The following DROSHA variants were observed in gnomAD, a reference collection of about 807,000 sequenced individuals.
The protein encoded by DROSHA is drosha ribonuclease III.
DROSHA carries 56 observed loss-of-function variants against 181.9 expected under a neutral mutation model. The ratio of observed to expected loss-of-function variants is 0.31; its 90% confidence interval spans 0.25 to 0.38. DROSHA has a LOEUF of 0.38. Among genes scored for constraint, DROSHA ranks in the 10% least tolerant of loss-of-function variants. The pLI is 1.00. For synonymous variants in DROSHA, 524 were observed against 591.2 expected, an observed-to-expected ratio of 0.89 and a Z score of 1.65; for missense variants, 1,218 against 1,743.5, an observed-to-expected ratio of 0.70 and a Z score of 5.37.
At chr5:31,511,309 T>C in intron 8 of DROSHA, 133 bp from the exon 9 acceptor site, 1 of 874,498 alleles carries the variant, frequency 1.1e-6, no homozygotes, top group Non-Finnish European at 1.7e-6. Context: ...TTAACAAACA[T>C]TTAAAAACAA....
chr5:31,411,377 G>A lies in DROSHA; in HGVS notation c.3526-490C>T, dbSNP rs548070700. 4.7e-4 allele frequency among the ~76,000 whole-genome samples: 72 copies of A among 152,212 alleles called. No individual in the cohort carries two copies. Among genetic ancestry groups the A allele is most frequent in the Admixed American group, 1.0e-3 (16 of 15,288 alleles). On this transcript the variant is annotated intron_variant, in intron 30 of 35. Transcript: ENST00000344624. This position sits in a 1 kb window ranked among gnomAD's most constrained non-coding sequence, Gnocchi z 4.2. ...AACAAATTCCCAGCATCTCCATGCA[G>A]TGAATCCTTCCCAACCCCTGACCAG...
intron 19 of DROSHA, among the ~76,000 whole-genome samples, chr5:31,465,633 A>G (rs1174061880): frequency 1.3e-5 from 2 of 152,128 alleles, no homozygotes; most frequent in African/African-American, 2.4e-5. Context: ...TATGATACCC[A>G]ATGTGAGAGA....
At chr5:31,447,894 A>G (rs549656150) in intron 23 of DROSHA, among the ~76,000 whole-genome samples, 1 of 152,330 alleles carries the variant, frequency 6.6e-6, no homozygotes, top group South Asian at 2.1e-4. Context: ...GATCCCTGCT[A>G]TATTGCTGCT....
chr5:31,465,230 CCT>C (rs1319513990), intron 19 of DROSHA, among the ~76,000 whole-genome samples: 8 of 152,224 alleles, frequency 5.3e-5, no homozygotes, highest in African/African-American at 1.7e-4. Context: ...ATAAAACCTC[CCT>C]GAGACAATAA....
rs190980670 is a variant in DROSHA at position 31,462,902 on chromosome 5, C to T, written c.2574+1334G>A. Among the ~76,000 whole-genome samples, 693 of 152,182 alleles carry T rather than the reference C, an allele frequency of 4.6e-3. 2 individuals are homozygous for T. Among genetic ancestry groups the T allele is most frequent in the Non-Finnish European group, 8.0e-3 (545 of 67,994 alleles). On this transcript the variant is annotated intron_variant, in intron 20 of 35. Coordinates refer to ENST00000344624, the MANE Select transcript of DROSHA (RefSeq NM_001382508.1). ...ACTACTAACTAGAAGGTCTGGAAGG[C>T]GCCTTCTAGTTCTTAATGCTCAACA... is the stretch of plus-strand genomic sequence containing the variant.
Position 31,429,537 on chromosome 5 carries a change from A to G in DROSHA, c.3154T>C (p.Tyr1052His). 1 of 1,611,782 alleles carries G rather than the reference A, an allele frequency of 6.2e-7. No homozygotes were observed. The highest frequency in any genetic ancestry group is 8.5e-7 in the Non-Finnish European group (1 of 1,178,626). Residue 1052 changes from tyrosine (Y) to histidine (H), a missense_variant, in exon 27 of 36, where the codon TAC (tyrosine) becomes CAC (histidine). Physicochemically the swap from Tyr to His is moderately conservative, Grantham distance 83. Around this residue, in one of 8 missense-constraint regions of DROSHA, gnomAD observed 71 missense variants for 95.2 expected, o/e 0.75. Coordinates refer to ENST00000344624, the MANE Select transcript of DROSHA (RefSeq NM_001382508.1). ...GCTTCCTCCAGGCTTCCCTCCAAGT[A>G]AACAGCTCCTAGATGAAAAACAGAG... is the stretch of plus-strand genomic sequence containing the variant. Reference protein sequence around the residue: ...NCFEALIGAVYLEGSLEEAKQ... With the variant: ...NCFEALIGAVHLEGSLEEAKQ...
chr5:31,480,786 A>G (rs1030537773), intron 16 of DROSHA, among the ~76,000 whole-genome samples: 1 of 152,222 alleles, frequency 6.6e-6, no homozygotes, highest in Non-Finnish European at 1.5e-5. Flanking sequence ...TAGTGATACA[A>G]CAAGACAGAC....
In DROSHA at chr5:31,453,047, G is replaced by A. The variant is rs139105423; in HGVS notation, c.2575-1407C>T. On this transcript the variant is annotated intron_variant, in intron 20 of 35. Transcript: ENST00000344624. ...AAAACTCAAGGTGGATAGGACATGG[G>A]TTAGGACATGAAGACTATTCAGTGC... Among the ~76,000 whole-genome samples, 11 of 152,320 alleles carry A rather than the reference G, an allele frequency of 7.2e-5. No individual in the cohort carries two copies. In the East Asian group the frequency reaches 2.1e-3, roughly 29 times the overall value.
chr5:31,484,831 A>T (rs1219607330), intron 15 of DROSHA, 50 bp downstream of exon 15: 10 of 1,319,848 alleles, frequency 7.6e-6, no homozygotes, highest in African/African-American at 1.5e-5. Flanking sequence ...CACATATACC[A>T]TAATGTTCTT....
At chr5:31,483,732 C>A in intron 15 of DROSHA, 104 bp from the exon 16 acceptor site, 1 of 1,140,298 alleles carries the variant, frequency 8.8e-7, no homozygotes, top group Non-Finnish European at 1.2e-6. Context: ...CAAAAACTAC[C>A]ACCAGAAGTA....
At chr5:31,451,482 G>T in intron 21 of DROSHA, 51 bp downstream of exon 21, 2 of 1,441,570 alleles carry the variant, frequency 1.4e-6, no homozygotes, top group East Asian at 2.4e-5. Flanking sequence ...CCTGCAAGAT[G>T]AATTACTCCT....
intron 17 of DROSHA, among the ~76,000 whole-genome samples, chr5:31,469,732 T>C (rs1297433464): frequency 6.6e-6 from 1 of 152,184 alleles, no homozygotes; most frequent in Non-Finnish European, 1.5e-5. Flanking sequence ...TGGCAGGGGT[T>C]GAGGGAGCAG....
chr5:31,474,167 CAAG>C (rs1486386887), intron 16 of DROSHA, among the ~76,000 whole-genome samples: 1 of 152,026 alleles, frequency 6.6e-6, no homozygotes, highest in Non-Finnish European at 1.5e-5. Context: ...AATGATTGTC[CAAG>C]AAGTGACAAA....
At chr5:31,496,327 T>C (rs1428039194) in intron 11 of DROSHA, among the ~76,000 whole-genome samples, 1 of 152,014 alleles carries the variant, frequency 6.6e-6, no homozygotes, top group Non-Finnish European at 1.5e-5. Context: ...ACTCAGGAGG[T>C]TGAGGCAGGA....
intron 21 of DROSHA, among the ~76,000 whole-genome samples, chr5:31,451,317 A>C (rs1486957536): frequency 6.6e-6 from 1 of 152,236 alleles, no homozygotes; most frequent in African/African-American, 2.4e-5. Context: ...GACAAATTTT[A>C]GTTTTAGTCA....
intron 6 of DROSHA, among the ~76,000 whole-genome samples, chr5:31,518,346 G>A (rs943205366): frequency 7.9e-5 from 12 of 152,160 alleles, no homozygotes; most frequent in Admixed American, 5.2e-4. Context: ...TTACGACATG[G>A]TCATCCACTA....
chr5:31,455,476 A>G (rs994866035), intron 20 of DROSHA, among the ~76,000 whole-genome samples: 3 of 152,268 alleles, frequency 2.0e-5, no homozygotes, highest in East Asian at 1.9e-4. Context: ...ACTTGAAAGT[A>G]TATACTGAAA....
At chr5:31,531,244 C>A (rs1741314053) in intron 2 of DROSHA, among the ~76,000 whole-genome samples, 1 of 152,098 alleles carries the variant, frequency 6.6e-6, no homozygotes, top group Non-Finnish European at 1.5e-5. Flanking sequence ...AGGTGTGTGC[C>A]GCACCTAGAG....
intron 20 of DROSHA, among the ~76,000 whole-genome samples, chr5:31,462,735 AG>A (rs1748550061): frequency 6.6e-6 from 1 of 152,030 alleles, no homozygotes. Flanking sequence ...GGAGAAATCA[AG>A]TAAAACAGGA....
Sources: allele counts gnomAD v4.1 joint callset (sites outside exome capture counted in the v4.1 genomes callset), GRCh38; gene constraint gnomAD v4.1.1; regional missense constraint gnomAD v4.1.1; non-coding constraint Gnocchi (gnomAD v3.1); transcripts MANE v1.5; gene names NCBI Gene and HGNC (gene_info 2026-07-23, HGNC 2026-07-21).